Variants in ANKHD1 observed in about 807,000 individuals in gnomAD.
ANKHD1 encodes ankyrin repeat and KH domain-containing protein 1.
A neutral mutation model predicts 230.5 loss-of-function variants in ANKHD1; 31 were observed. That is an observed-to-expected ratio of 0.13 (90% confidence interval 0.10 to 0.18). The LOEUF (loss-of-function observed/expected upper bound fraction) is 0.18. Ranked by LOEUF, ANKHD1 falls within the 10% of genes least tolerant of loss-of-function variation. The pLI is 1.00. For missense variants in ANKHD1, 2,256 were observed against 3,071.3 expected (o/e 0.73, Z 6.27); for synonymous variants, 1,074 against 1,117.6 (o/e 0.96, Z 0.78).
At chr5:140,429,115 A>T (rs1772809891) in intron 1 of ANKHD1, among the ~76,000 whole-genome samples, 2 of 136,068 alleles carry the variant, frequency 1.5e-5, no homozygotes, top group South Asian at 2.4e-4. Context: ...TTTTTGTGAG[A>T]TGGAGTCTCG....
chr5:140,439,691 A>G (rs1213345231), intron 3 of ANKHD1, among the ~76,000 whole-genome samples: 1 of 152,040 alleles, frequency 6.6e-6, no homozygotes, highest in Non-Finnish European at 1.5e-5. Flanking sequence ...AAAACAAAAT[A>G]CAAACACTAA....
At chr5:140,488,637 C>G (rs771336883) in intron 14 of ANKHD1, among the ~76,000 whole-genome samples, 2 of 151,652 alleles carry the variant, frequency 1.3e-5, no homozygotes, top group Non-Finnish European at 2.9e-5. Context: ...TGGTGGCTCA[C>G]GCTTGTAATC....
rs756580738 is a variant in ANKHD1, at chr5:140,458,871, G to A, written c.1480+9G>A. ...ACTACTCTTAGCACAAGGTAAAGCA[G>A]TTTTACTTCTTTTAGAAAAATCAGT... On this transcript the variant is annotated intron_variant, in intron 8 of 33. Transcript: ENST00000360839. 3 of 1,581,078 alleles carry A rather than the reference G, an allele frequency of 1.9e-6. No homozygotes were observed. Among genetic ancestry groups the A allele is most frequent in the Non-Finnish European group, 2.6e-6 (3 of 1,161,274 alleles).
chr5:140,524,986 G>A, intron 25 of ANKHD1: 2 of 306,972 alleles, frequency 6.5e-6, no homozygotes, highest in South Asian at 2.6e-5. Flanking sequence ...AGGCGTGGTG[G>A]CACATGCCTA....
At chr5:140,514,623 C>CA (rs1273476020) in intron 24 of ANKHD1, among the ~76,000 whole-genome samples, 1 of 152,028 alleles carries the variant, frequency 6.6e-6, no homozygotes, top group Non-Finnish European at 1.5e-5. Flanking sequence ...ACCTGTCATT[C>CA]AAAAAAATAT....
At chr5:140,407,115 T>C (rs1396090689) in intron 1 of ANKHD1, among the ~76,000 whole-genome samples, 2 of 151,854 alleles carry the variant, frequency 1.3e-5, no homozygotes, top group Admixed American at 1.3e-4. Context: ...ACCAACATGG[T>C]GAAACCCCAT....
At chr5:140,491,770 C>G (rs1751819131) in intron 14 of ANKHD1, among the ~76,000 whole-genome samples, 1 of 152,162 alleles carries the variant, frequency 6.6e-6, no homozygotes, top group Non-Finnish European at 1.5e-5. Flanking sequence ...CCCACTTAGA[C>G]TGTAAGCTCC....
In ANKHD1 at chr5:140,539,730, T is replaced by A. The variant is rs1318302066; in HGVS notation, c.*312T>A. The A allele has an allele frequency of 2.2e-4, 48 of 217,736 alleles. No homozygotes were observed. Among genetic ancestry groups the A allele is most frequent in the Non-Finnish European group, 1.8e-5 (2 of 110,844 alleles). 13.5% of individuals were successfully genotyped at this position (217,736 alleles called of 1,614,324 possible). On this transcript the variant is annotated 3_prime_UTR_variant, in exon 34 of 34. Coordinates refer to ENST00000360839, the MANE Select transcript of ANKHD1 (RefSeq NM_017747.3). ...TTAGGGTGATAAATACATGTATAATTGTTTACATACTTAAAAGGAAAAAGT... is the reference window on the plus strand; with the variant it reads ...TTAGGGTGATAAATACATGTATAATAGTTTACATACTTAAAAGGAAAAAGT...
At chr5:140,502,855 G>A (rs1357657720) in intron 15 of ANKHD1, among the ~76,000 whole-genome samples, 1 of 152,048 alleles carries the variant, frequency 6.6e-6, no homozygotes, top group Non-Finnish European at 1.5e-5. Context: ...TCTTATAGGT[G>A]AAACAAACAT....
intron 29 of ANKHD1, among the ~76,000 whole-genome samples, chr5:140,532,172 A>G (rs1174298826): frequency 6.7e-6 from 1 of 149,888 alleles, no homozygotes; most frequent in African/African-American, 2.5e-5. Flanking sequence ...GCGCCACTGC[A>G]CTCCAGCCTG....
chr5:140,424,917 G>A (rs1561699166), intron 1 of ANKHD1, among the ~76,000 whole-genome samples: 1 of 152,126 alleles, frequency 6.6e-6, no homozygotes, highest in Admixed American at 6.6e-5. Context: ...GTGATCTTGG[G>A]CCAGTCACTT....
At position 140,528,390 on chromosome 5, in the gene ANKHD1, T is replaced by C. The variant is rs1753689615; in HGVS notation, c.5444T>C (p.Val1815Ala). ...NAFPLGAPTLVTSQATTLSTF... is the reference protein window; with the variant it reads ...NAFPLGAPTLATSQATTLSTF... Reference sequence around the variant, plus strand: ...TTTCCTTTGGGTGCTCCAACTCTTGTAACTTCACAGGCAACAACGTTATCT... The same window carrying C: ...TTTCCTTTGGGTGCTCCAACTCTTGCAACTTCACAGGCAACAACGTTATCT... Residue 1815 changes from valine to alanine, a missense_variant, in exon 29 of 34, where the codon GTA (valine) becomes GCA (alanine). This residue lies in a region of ANKHD1 where 778 missense variants were observed against 966.5 expected (regional missense o/e 0.80). Transcript: ENST00000360839. 4.3e-6 allele frequency: 7 copies of C among 1,614,070 alleles called. No individual in the cohort carries two copies. Among genetic ancestry groups the C allele is most frequent in the Non-Finnish European group, 4.2e-6 (5 of 1,180,048 alleles).
At chr5:140,528,141 T>C (rs757941210) in intron 28 of ANKHD1, 43 bp from the exon 29 acceptor site, 1 of 1,542,030 alleles carries the variant, frequency 6.5e-7, no homozygotes, top group East Asian at 2.3e-5. Flanking sequence ...TTTTTTTTTT[T>C]TTAATGTTTT....
intron 1 of ANKHD1, among the ~76,000 whole-genome samples, chr5:140,434,882 AT>A (rs1316946222): frequency 6.6e-6 from 1 of 152,056 alleles, no homozygotes; most frequent in African/African-American, 2.4e-5. Flanking sequence ...CTTTCAGAAA[AT>A]TTTTTAGTGA....
chr5:140,407,600 G>A (rs192754684), intron 1 of ANKHD1, among the ~76,000 whole-genome samples: 26 of 152,076 alleles, frequency 1.7e-4, no homozygotes, highest in African/African-American at 5.8e-4. Context: ...ATGTTGCCCA[G>A]GCTAGTCTTG....
At chr5:140,456,080 A>G (rs1479051377) in intron 7 of ANKHD1, among the ~76,000 whole-genome samples, 1 of 152,214 alleles carries the variant, frequency 6.6e-6, no homozygotes, top group Non-Finnish European at 1.5e-5. Context: ...ACAGACAGAG[A>G]GCCAAATCAT....
intron 10 of ANKHD1, among the ~76,000 whole-genome samples, chr5:140,474,510 A>C (rs1750857151): frequency 6.6e-6 from 1 of 152,056 alleles, no homozygotes; most frequent in Non-Finnish European, 1.5e-5. Context: ...ACTTAATTTA[A>C]AATAAAATTT....
rs912459693 is a variant in ANKHD1, at chr5:140,401,861, G to T, written c.-107G>T. 1.4e-6 allele frequency: 2 copies of T among 1,415,246 alleles called. No homozygotes were observed. The highest frequency in any genetic ancestry group is 1.8e-6 in the Non-Finnish European group (2 of 1,087,876). 87.7% of individuals were successfully genotyped at this position (1,415,246 alleles called of 1,614,324 possible). On this transcript the variant is annotated 5_prime_UTR_variant, in exon 1 of 34. Transcript: ENST00000360839. ...GAGAAGTTAGTGGCGCTGCTGGGACGGGGGAAAGGAGACGCTTCTTCCTCT... is the reference window on the plus strand; with the variant it reads ...GAGAAGTTAGTGGCGCTGCTGGGACTGGGGAAAGGAGACGCTTCTTCCTCT...
chr5:140,457,551 G>T (rs1210920162), intron 7 of ANKHD1, among the ~76,000 whole-genome samples: 1 of 152,156 alleles, frequency 6.6e-6, no homozygotes, highest in Admixed American at 6.5e-5. Flanking sequence ...CATGTCCTTT[G>T]TAGGGACATG....
Sources: allele counts gnomAD v4.1 joint callset (sites outside exome capture counted in the v4.1 genomes callset), GRCh38; gene constraint gnomAD v4.1.1; regional missense constraint gnomAD v4.1.1; transcripts MANE v1.5; gene names NCBI Gene and HGNC (gene_info 2026-07-23, HGNC 2026-07-21).